RMC1: variants seen among roughly 807,000 people sequenced by gnomAD.
RMC1 encodes regulator of MON1-CCZ1 complex.
Under a neutral mutation model 95.5 loss-of-function variants are expected in RMC1, and 44 were observed. That is an observed-to-expected ratio of 0.46 (90% CI 0.36 to 0.59). The LOEUF is 0.59. Among genes scored for constraint, RMC1 ranks in the 20% least tolerant of loss-of-function variants. The pLI, the probability that RMC1 is intolerant of heterozygous loss-of-function variation, is 0.00. For synonymous variants in RMC1, 320 were observed against 303.6 expected, an observed-to-expected ratio of 1.05 and a Z score of -0.56; for missense variants, 705 against 819.6, an observed-to-expected ratio of 0.86 and a Z score of 1.71.
chr18:23,530,712 AAAC>A lies in RMC1; in HGVS notation c.1894+105_1894+107del, dbSNP rs1412943769. The stretch of plus-strand genomic sequence containing the variant: ...GAGGACCCTGGGTTAGCATTTTTGT[AAAC>A]AACACAATTTGATAACAGCCCACCT... On this transcript the variant is annotated intron_variant, in intron 19 of 19. Coordinates refer to ENST00000269221, the MANE Select transcript of RMC1 (RefSeq NM_013326.5). 120 of 1,128,564 alleles carry A rather than the reference AAAC, an allele frequency of 1.1e-4. No homozygotes were observed. The South Asian group carries it at 1.7e-3, about 16-fold the overall frequency. 69.9% of individuals were successfully genotyped at this position (1,128,564 alleles called of 1,614,324 possible).
At position 23,517,774 on chromosome 18, in the gene RMC1, G is replaced by A. The variant is rs192170738; in HGVS notation, c.654-1116G>A. On this transcript the variant is annotated intron_variant, in intron 7 of 19. Coordinates refer to ENST00000269221, the MANE Select transcript of RMC1 (RefSeq NM_013326.5). ...GCTCTGTTGCCCAGGCTGGAGTGCA[G>A]TGTTACAATCTCAGCTCACCACAAC... is the stretch of plus-strand genomic sequence containing the variant. Among the ~76,000 whole-genome samples the A allele has an allele frequency of 1.9e-3, 283 of 152,050 alleles. 1 individual carries two copies. Among genetic ancestry groups the A allele is most frequent in the Middle Eastern group, 3.4e-3 (1 of 294 alleles).
intron 2 of RMC1, among the ~76,000 whole-genome samples, chr18:23,505,556 T>C (rs528532163): frequency 6.6e-6 from 1 of 152,188 alleles, no homozygotes; most frequent in Non-Finnish European, 1.5e-5. Flanking sequence ...TTGAAACTTA[T>C]CAGGTGGGGT....
rs562474094 is a variant in RMC1 at position 23,503,605 on chromosome 18, G to A, written c.-14G>A. The A allele has an allele frequency of 1.1e-5, 17 of 1,541,700 alleles. No individual in the cohort carries two copies. In the East Asian group the frequency reaches 4.3e-4, roughly 39 times the overall value. ...ACCGCCCCCGGGGCCCCCGCCGCGG[G>A]CGCGGCGCCCGCCATGGGCGAGGAG... On this transcript the variant is annotated 5_prime_UTR_variant, in exon 1 of 20. Transcript: ENST00000269221.
chr18:23,510,961 A>T (rs71517445), intron 5 of RMC1, among the ~76,000 whole-genome samples: 1 of 152,218 alleles, frequency 6.6e-6, no homozygotes, highest in South Asian at 2.1e-4. Flanking sequence ...TTGACCTAGC[A>T]GCCCCATTAC....
chr18:23,530,007 A>G, intron 16 of RMC1, 21 bp from the exon 17 acceptor site: 1 of 1,593,212 alleles, frequency 6.3e-7, no homozygotes, highest in Non-Finnish European at 8.6e-7. Context: ...GTGTTCTTTC[A>G]CTTTTTACTT....
chr18:23,530,270 T>G lies in RMC1; in HGVS notation c.1641T>G (p.Ala547=), dbSNP rs539384789. ...LLSLESFYPP[A]HQLSLDMLKR... ...CCCTAGAGAGTTTCTATCCTCCTGC[T>G]CATCAGCTATCTCTGGACATGCTGA... is the stretch of plus-strand genomic sequence containing the variant. Residue 547 remains alanine (A), a synonymous_variant, in exon 18 of 20, where the codon GCT becomes GCG. Transcript: ENST00000269221. 2 of 1,614,238 alleles carry G rather than the reference T, an allele frequency of 1.2e-6. No homozygotes were observed. Among genetic ancestry groups the G allele is most frequent in the African/African-American group, 2.7e-5 (2 of 75,058 alleles).
intron 6 of RMC1, 98 bp from the exon 7 acceptor site, chr18:23,516,222 A>T: frequency 6.9e-7 from 1 of 1,448,078 alleles, no homozygotes; most frequent in Non-Finnish European, 9.7e-7. Flanking sequence ...GGATCCAAAG[A>T]CGAAGTCTGT....
chr18:23,524,197 A>C, intron 11 of RMC1, 23 bp downstream of exon 11: 1 of 1,612,352 alleles, frequency 6.2e-7, no homozygotes, highest in Non-Finnish European at 8.5e-7. Context: ...AAGGTGTGGC[A>C]CCGTGCACAA....
intron 7 of RMC1, among the ~76,000 whole-genome samples, chr18:23,517,816 C>T (rs770881983): frequency 2.6e-5 from 4 of 152,088 alleles, no homozygotes; most frequent in Non-Finnish European, 5.9e-5. Context: ...CTTCTAGGTT[C>T]AAGTGATTTT....
At chr18:23,521,872 C>G (rs1372890384) in intron 10 of RMC1, among the ~76,000 whole-genome samples, 1 of 152,156 alleles carries the variant, frequency 6.6e-6, no homozygotes, top group Non-Finnish European at 1.5e-5. Flanking sequence ...GCCTGTCCCT[C>G]GCAGCAGTCT....
chr18:23,527,222 A>AC (rs2058327046), intron 13 of RMC1, among the ~76,000 whole-genome samples: 1 of 124,538 alleles, frequency 8.0e-6, no homozygotes, highest in African/African-American at 3.9e-5. Flanking sequence ...CCCTGTCTCT[A>AC]CAAAAAAAAA....
chr18:23,524,461 A>G lies in RMC1; in HGVS notation c.1039A>G (p.Ile347Val), dbSNP rs147982431. 785 of 1,614,142 alleles carry G rather than the reference A, an allele frequency of 4.9e-4. No individual in the cohort carries two copies. Among genetic ancestry groups the G allele is most frequent in the Non-Finnish European group, 6.2e-4 (736 of 1,179,982 alleles). ...SSSWIVFQPDIIISASQGYLW... is the reference protein window; with the variant it reads ...SSSWIVFQPDVIISASQGYLW... ...ATCTTGGATTGTCTTTCAACCTGAC[A>G]TCATTATCAGCGCAAGCCAAGGTAG... Residue 347 changes from isoleucine (I) to valine (V), a missense_variant, in exon 12 of 20, where the codon ATC becomes GTC. By Grantham distance (29) the Ile-to-Val change is conservative (BLOSUM62 3). Transcript: ENST00000269221.
intron 5 of RMC1, among the ~76,000 whole-genome samples, chr18:23,510,473 C>A (rs1372506218): frequency 6.6e-6 from 1 of 152,072 alleles, no homozygotes; most frequent in African/African-American, 2.4e-5. Flanking sequence ...CATGACGAAA[C>A]CCTGTCTCTA....
At chr18:23,527,589 CTTT>C (rs71163615) in intron 13 of RMC1, among the ~76,000 whole-genome samples, 13 of 108,342 alleles carry the variant, frequency 1.2e-4, no homozygotes, top group Admixed American at 2.1e-4. Flanking sequence ...CCTGCTATAG[CTTT>C]TTTTTTTTTT....
At chr18:23,526,861 T>C in intron 13 of RMC1, 96 bp downstream of exon 13, 1 of 1,483,282 alleles carries the variant, frequency 6.7e-7, no homozygotes, top group East Asian at 2.3e-5. Flanking sequence ...TTGTGTCTTG[T>C]CTGTGACCCA....
chr18:23,529,339 CA>C (rs1302859873), intron 15 of RMC1, 41 bp downstream of exon 15: 1 of 1,583,118 alleles, frequency 6.3e-7, no homozygotes, highest in Non-Finnish European at 8.5e-7. Context: ...TGAGAATGCT[CA>C]AAACAAGGAA....
chr18:23,503,736 G>A lies in RMC1; in HGVS notation c.102+16G>A. ...CAACAAGCAGGTCCGGCGCGCCCGC[G>A]CTTCCTCCCCCGCGCGGCCCTGCCG... On this transcript the variant is annotated intron_variant, in intron 1 of 19. Coordinates refer to ENST00000269221, the MANE Select transcript of RMC1 (RefSeq NM_013326.5). 1 of 1,579,280 alleles carries A rather than the reference G, an allele frequency of 6.3e-7. No individual in the cohort carries two copies. The highest frequency in any genetic ancestry group is 1.1e-5 in the South Asian group (1 of 88,458).
intron 6 of RMC1, 41 bp from the exon 7 acceptor site, chr18:23,516,279 G>A (rs754722071): frequency 6.3e-7 from 1 of 1,587,946 alleles, no homozygotes; most frequent in Non-Finnish European, 8.6e-7. Flanking sequence ...ACATTGAAGG[G>A]GTTTAATAAG....
intron 19 of RMC1, 52 bp downstream of exon 19, chr18:23,530,664 G>C (rs1598921377): frequency 6.4e-7 from 1 of 1,550,408 alleles, no homozygotes; most frequent in Non-Finnish European, 8.8e-7. Flanking sequence ...AAGAGTAGCA[G>C]AGGGCACTGG....
Sources: gnomAD v4.1 joint callset for allele counts (sites outside exome capture counted in the v4.1 genomes callset) on GRCh38, gnomAD v4.1.1 for gene constraint, MANE v1.5 for transcripts, NCBI Gene and HGNC (gene_info 2026-07-23, HGNC 2026-07-21) for gene names.